The following TOPAZ1 variants were observed in gnomAD, a reference collection of about 807,000 sequenced individuals.
TOPAZ1 encodes the protein protein TOPAZ1.
In TOPAZ1, 66 loss-of-function variants were observed where a neutral mutation model predicts 172.2. The ratio of observed to expected loss-of-function variants is 0.38; its 90% CI spans 0.31 to 0.47. TOPAZ1 has a LOEUF of 0.47. Ranked by LOEUF, TOPAZ1 falls within the 20% of genes least tolerant of loss-of-function variation. The pLI is 0.99. For synonymous variants in TOPAZ1, 681 were observed against 683.9 expected, an observed-to-expected ratio of 1.00 and a Z score of 0.07; for missense variants, 1,822 against 1,972.4, an observed-to-expected ratio of 0.92 and a Z score of 1.44.
intron 8 of TOPAZ1, among the ~76,000 whole-genome samples, chr3:44,280,095 G>A (rs916093221): frequency 1.2e-4 from 18 of 151,992 alleles, no homozygotes; most frequent in Non-Finnish European, 2.5e-4. Flanking sequence ...GCTTGTCTGG[G>A]AAAGACTTTA....
At chr3:44,260,895 C>A (rs1380078111) in intron 4 of TOPAZ1, among the ~76,000 whole-genome samples, 1 of 152,070 alleles carries the variant, frequency 6.6e-6, no homozygotes, top group Non-Finnish European at 1.5e-5. Flanking sequence ...GCCAGTTGTT[C>A]TACCATTTAT....
chr3:44,295,194 C>G lies in TOPAZ1; in HGVS notation c.3797+4308C>G, dbSNP rs552339712. Among the ~76,000 whole-genome samples, 82 of 152,206 alleles carry G rather than the reference C, an allele frequency of 5.4e-4. 2 individuals are homozygous for G. Among genetic ancestry groups the G allele is most frequent in the Non-Finnish European group, 1.1e-3 (77 of 67,988 alleles). On this transcript the variant is annotated intron_variant, in intron 12 of 19. Transcript: ENST00000309765. Reference sequence around the variant, plus strand: ...TGCACTTACCTTTTGACTCAGCAATCCCAATTCTACAAATGTACCCTGAAA... The same window carrying G: ...TGCACTTACCTTTTGACTCAGCAATGCCAATTCTACAAATGTACCCTGAAA...
chr3:44,270,948 A>C (rs1046957643), intron 8 of TOPAZ1, 138 bp downstream of exon 8: 5 of 736,724 alleles, frequency 6.8e-6, no homozygotes, highest in Non-Finnish European at 1.0e-5. Flanking sequence ...AAATGGAATC[A>C]TATGTGTATT....
At chr3:44,308,771 C>T (rs989515297) in intron 15 of TOPAZ1, among the ~76,000 whole-genome samples, 5 of 151,878 alleles carry the variant, frequency 3.3e-5, no homozygotes, top group African/African-American at 1.2e-4. Flanking sequence ...TATTTTATTA[C>T]ATAGTATGAA....
chr3:44,291,152 C>CTTATT (rs2125694275), intron 12 of TOPAZ1, among the ~76,000 whole-genome samples: 2 of 152,186 alleles, frequency 1.3e-5, no homozygotes, highest in East Asian at 3.9e-4. Flanking sequence ...TCTGTTTCAC[C>CTTATT]ACTTAATTAC....
chr3:44,283,730 TAC>T (rs796667207), intron 9 of TOPAZ1, among the ~76,000 whole-genome samples: 90 of 152,358 alleles, frequency 5.9e-4, no homozygotes, highest in African/African-American at 1.9e-3. Flanking sequence ...TATGTGTGTG[TAC>T]ACACACGTGT....
At chr3:44,312,259 TACAGA>T (rs1421248020) in intron 16 of TOPAZ1, among the ~76,000 whole-genome samples, 1 of 149,378 alleles carries the variant, frequency 6.7e-6, no homozygotes, top group African/African-American at 2.5e-5. Flanking sequence ...CACAGGAATG[TACAGA>T]GCAGTTGCTA....
intron 14 of TOPAZ1, 120 bp downstream of exon 14, chr3:44,305,441 C>G (rs1356835955): frequency 2.6e-6 from 2 of 772,200 alleles, no homozygotes; most frequent in African/African-American, 1.8e-5. Context: ...GCGGTCATAG[C>G]TCACCGCAGC....
At chr3:44,321,493 A>G (rs1384081564) in intron 17 of TOPAZ1, among the ~76,000 whole-genome samples, 2 of 152,198 alleles carry the variant, frequency 1.3e-5, no homozygotes, top group African/African-American at 4.8e-5. Context: ...GCCCTGAGCA[A>G]GCTTTTTCTC....
Position 44,243,493 on chromosome 3 carries a change from A to AC in TOPAZ1, c.990dup (p.Arg331GlnfsTer8), listed in dbSNP as rs1236539586. ...TAGAGGAGAGCAGTGTTGGGCGAAA[A>AC]CCCAGGAAAAGGATGAAGTTGTCTG... On this transcript the variant is annotated frameshift_variant, in exon 2 of 20. Coordinates refer to ENST00000309765, the MANE Select transcript of TOPAZ1 (RefSeq NM_001145030.2). LOFTEE classifies it high-confidence loss of function. 3 of 1,551,668 alleles carry AC rather than the reference A, an allele frequency of 1.9e-6. No individual in the cohort carries two copies. The highest frequency in any genetic ancestry group is 2.6e-6 in the Non-Finnish European group (3 of 1,146,994).
intron 4 of TOPAZ1, among the ~76,000 whole-genome samples, chr3:44,257,858 CAA>C (rs1381496388): frequency 2.6e-5 from 4 of 152,112 alleles, no homozygotes; most frequent in African/African-American, 7.2e-5. Flanking sequence ...TCCATCACCA[CAA>C]AGATATCCCT....
At chr3:44,268,663 G>A (rs902540389) in intron 6 of TOPAZ1, among the ~76,000 whole-genome samples, 6 of 152,188 alleles carry the variant, frequency 3.9e-5, no homozygotes, top group African/African-American at 1.4e-4. Context: ...GATTACAGGT[G>A]TGAGCCACCG....
At chr3:44,267,357 G>A (rs976922187) in intron 6 of TOPAZ1, among the ~76,000 whole-genome samples, 2 of 140,504 alleles carry the variant, frequency 1.4e-5, no homozygotes, top group African/African-American at 2.7e-5. Flanking sequence ...GCAGTGGCAC[G>A]ATCTCAGTGC....
chr3:44,256,134 A>G lies in TOPAZ1; in HGVS notation c.2828-17A>G. 1 of 1,484,886 alleles carries G rather than the reference A, an allele frequency of 6.7e-7. No individual in the cohort carries two copies. Among genetic ancestry groups the G allele is most frequent in the South Asian group, 1.3e-5 (1 of 74,334 alleles). 92.0% of individuals were successfully genotyped at this position (1,484,886 alleles called of 1,614,324 possible). The stretch of plus-strand genomic sequence containing the variant: ...TTGTCTTTAAAGTTTCTATAGTTGA[A>G]TATTATTTCTTTTCAGAAAGTGAAA... On this transcript the variant is annotated splice_polypyrimidine_tract_variant and intron_variant, in intron 3 of 19. Transcript: ENST00000309765.
At chr3:44,284,860 A>G (rs1434822878) in intron 9 of TOPAZ1, among the ~76,000 whole-genome samples, 1 of 152,236 alleles carries the variant, frequency 6.6e-6, no homozygotes, top group East Asian at 1.9e-4. Context: ...TAAAGTAATC[A>G]AAGGGAGTAT....
At chr3:44,270,389 C>G (rs1427546801) in intron 7 of TOPAZ1, among the ~76,000 whole-genome samples, 1 of 151,956 alleles carries the variant, frequency 6.6e-6, no homozygotes, top group African/African-American at 2.4e-5. Flanking sequence ...GAACCTGTAC[C>G]TGCTCCAGAA....
intron 16 of TOPAZ1, among the ~76,000 whole-genome samples, chr3:44,318,913 G>A (rs1033200078): frequency 3.3e-5 from 5 of 150,508 alleles, no homozygotes; most frequent in Admixed American, 6.6e-5. Flanking sequence ...AAGCCTTTGC[G>A]GGCACAGAAA....
chr3:44,255,076 A>T (rs553736257), intron 3 of TOPAZ1, 47 bp downstream of exon 3: 2 of 1,375,196 alleles, frequency 1.5e-6, no homozygotes, highest in East Asian at 2.5e-5. Context: ...GCATCTCTTT[A>T]TATCTCCATT....
intron 18 of TOPAZ1, among the ~76,000 whole-genome samples, chr3:44,324,678 CAA>C (rs2125705939): frequency 6.6e-6 from 1 of 152,136 alleles, no homozygotes; most frequent in South Asian, 2.1e-4. Context: ...AAATGCCATA[CAA>C]GTCACCCATT....
Sources: allele counts gnomAD v4.1 joint callset (sites outside exome capture counted in the v4.1 genomes callset), GRCh38; gene constraint gnomAD v4.1.1; transcripts MANE v1.5; gene names NCBI Gene and HGNC (gene_info 2026-07-23, HGNC 2026-07-21).